The following CDH18 variants were observed in gnomAD, a reference collection of about 807,000 sequenced individuals.
CDH18 encodes cadherin 18, also known as cadherin-18.
A neutral mutation model predicts 67.9 loss-of-function variants in CDH18; 31 were observed. The observed-to-expected ratio is 0.46, with a 90% CI of 0.34 to 0.62. CDH18 has a LOEUF of 0.62. Among genes scored for constraint, CDH18 ranks in the 20% least tolerant of loss-of-function variants. The pLI, the probability that CDH18 is intolerant of heterozygous loss-of-function variation, is 0.01. For missense variants in CDH18, 890 were observed against 975.5 expected (o/e 0.91, Z 1.17); for synonymous variants, 362 against 347.2 (o/e 1.04, Z -0.48).
At chr5:20,432,813 G>T (rs1226678357) in intron 1 of CDH18, among the ~76,000 whole-genome samples, 2 of 151,500 alleles carry the variant, frequency 1.3e-5, no homozygotes, top group Non-Finnish European at 2.9e-5. Context: ...GGTATTGGGG[G>T]TTAGATTTCC....
chr5:20,270,666 A>T (rs1745368565), intron 1 of CDH18, among the ~76,000 whole-genome samples: 1 of 152,198 alleles, frequency 6.6e-6, no homozygotes, highest in African/African-American at 2.4e-5. Flanking sequence ...TGATGCTATT[A>T]TAAAGACACA....
chr5:19,973,909 C>A (rs1172589656), intron 2 of CDH18, among the ~76,000 whole-genome samples: 1 of 152,004 alleles, frequency 6.6e-6, no homozygotes, highest in African/African-American at 2.4e-5. Flanking sequence ...AAGAGAGGAA[C>A]AACATCTACT....
At chr5:19,655,584 T>C (rs1756247049) in intron 5 of CDH18, among the ~76,000 whole-genome samples, 1 of 152,160 alleles carries the variant, frequency 6.6e-6, no homozygotes. Context: ...AATGTTTTCT[T>C]TCTCTCATAT....
intron 4 of CDH18, among the ~76,000 whole-genome samples, chr5:19,733,214 T>A (rs1028842999): frequency 6.6e-6 from 1 of 152,206 alleles, no homozygotes; most frequent in African/African-American, 2.4e-5. Flanking sequence ...ACAGACCAGA[T>A]AGAGAACCTG....
intron 1 of CDH18, among the ~76,000 whole-genome samples, chr5:20,419,680 T>G (rs1484791928): frequency 6.6e-6 from 1 of 150,424 alleles, no homozygotes; most frequent in Non-Finnish European, 1.5e-5. Context: ...GGTTTCACCC[T>G]GTTAGCCAGG....
At chr5:20,336,753 A>AAAAAAAAAAAAAAAT (rs1739805813) in intron 1 of CDH18, among the ~76,000 whole-genome samples, 1 of 134,198 alleles carries the variant, frequency 7.5e-6, no homozygotes. Flanking sequence ...AAAAAAAAAA[A>AAAAAAAAAAAAAAAT]AAGAACTTTT....
At chr5:20,507,583 G>A (rs1417076536) in intron 1 of CDH18, among the ~76,000 whole-genome samples, 1 of 152,056 alleles carries the variant, frequency 6.6e-6, no homozygotes, top group African/African-American at 2.4e-5. Context: ...ATTTTGAAAA[G>A]CTTAGATATC....
rs1283152850 is a variant in CDH18 at position 19,648,835 on chromosome 5, T to C, written c.644-36234A>G. ...TTAAATTTTGTATATGGAGAGGTTT[T>C]TTTTTTCATGCAGAGTTAGACAAAA... On this transcript the variant is annotated intron_variant, in intron 5 of 12. Coordinates refer to ENST00000382275, the MANE Select transcript of CDH18 (RefSeq NM_004934.5). Among the ~76,000 whole-genome samples the C allele has an allele frequency of 2.0e-5, 3 of 152,200 alleles. No individual in the cohort carries two copies. The East Asian group carries it at 5.8e-4, about 29-fold the overall frequency.
intron 3 of CDH18, among the ~76,000 whole-genome samples, chr5:19,805,879 C>A (rs978145938): frequency 6.6e-6 from 1 of 152,224 alleles, no homozygotes; most frequent in African/African-American, 2.4e-5. Context: ...CTAAATGTCA[C>A]AATTTCATTT....
intron 2 of CDH18, among the ~76,000 whole-genome samples, chr5:20,151,742 C>T (rs181208808): frequency 1.4e-4 from 21 of 152,032 alleles, no homozygotes; most frequent in African/African-American, 4.8e-4. Context: ...TATTTCTTAT[C>T]CTTTCAATAA....
At chr5:19,937,579 C>T (rs920678664) in intron 2 of CDH18, among the ~76,000 whole-genome samples, 8 of 151,402 alleles carry the variant, frequency 5.3e-5, no homozygotes, top group African/African-American at 1.9e-4. Flanking sequence ...CACATGCACA[C>T]ATATAGACTG....
intron 1 of CDH18, among the ~76,000 whole-genome samples, chr5:20,381,329 A>T (rs1241594990): frequency 6.6e-6 from 1 of 152,050 alleles, no homozygotes; most frequent in Non-Finnish European, 1.5e-5. Context: ...AAAAGGTTGG[A>T]GGAAGAGGTG....
intron 4 of CDH18, 21 bp downstream of exon 4, chr5:19,746,921 C>T (rs1237339771): frequency 1.3e-6 from 2 of 1,599,914 alleles, no homozygotes; most frequent in Non-Finnish European, 1.7e-6. Context: ...ATTGCATAAT[C>T]ACAAAAATGA....
intron 2 of CDH18, among the ~76,000 whole-genome samples, chr5:19,962,762 G>C (rs6896968): frequency 0.044 from 6,676 of 151,752 alleles, 384 homozygotes; most frequent in African/African-American, 0.12. Context: ...GGCAAGACTC[G>C]GTCTCAAAAA....
At chr5:20,270,940 A>G (rs1745390756) in intron 1 of CDH18, among the ~76,000 whole-genome samples, 2 of 152,008 alleles carry the variant, frequency 1.3e-5, no homozygotes, top group South Asian at 2.1e-4. Flanking sequence ...TGACGAAAAC[A>G]TGGGCCACAT....
chr5:20,427,499 G>T (rs1748392567), intron 1 of CDH18, among the ~76,000 whole-genome samples: 1 of 151,116 alleles, frequency 6.6e-6, no homozygotes, highest in Non-Finnish European at 1.5e-5. Context: ...TTTCAAATAT[G>T]AGCAAGAATT....
rs557974762 is a variant in CDH18 at position 20,115,560 on chromosome 5, C to T, written c.-517-123546G>A. Among the ~76,000 whole-genome samples, 63 of 151,826 alleles carry T rather than the reference C, an allele frequency of 4.1e-4. 1 individual carries two copies. The highest frequency in any genetic ancestry group is 1.4e-3 in the African/African-American group (57 of 41,446). ...TTAAAGTGCTGGGATTACAGGTGGA[C>T]CTCACTTAAACTAATTATCCCCCAA... On this transcript the variant is annotated intron_variant, in intron 2 of 14. Transcript: ENST00000507958.
intron 9 of CDH18, among the ~76,000 whole-genome samples, chr5:19,526,377 G>A (rs1747756164): frequency 6.6e-6 from 1 of 152,136 alleles, no homozygotes; most frequent in Non-Finnish European, 1.5e-5. Context: ...GTGATACAGA[G>A]AAAGTGCTAT....
intron 1 of CDH18, among the ~76,000 whole-genome samples, chr5:20,398,064 C>CA (rs1460118976): frequency 3.3e-5 from 5 of 152,162 alleles, no homozygotes; most frequent in African/African-American, 4.8e-5. Context: ...TAGGCTACCA[C>CA]ACCATACCTT....
Sources: allele counts gnomAD v4.1 joint callset (sites outside exome capture counted in the v4.1 genomes callset), GRCh38; gene constraint gnomAD v4.1.1; transcripts MANE v1.5; gene names NCBI Gene and HGNC (gene_info 2026-07-23, HGNC 2026-07-21).